Variants in LAMB1 observed in about 807,000 individuals in gnomAD.
The protein encoded by LAMB1 is laminin subunit beta 1, also known as laminin subunit beta-1.
Under a neutral mutation model 222.3 loss-of-function variants are expected in LAMB1, and 121 were observed. The ratio of observed to expected loss-of-function variants is 0.54; its 90% confidence interval spans 0.47 to 0.63. The LOEUF (loss-of-function observed/expected upper bound fraction) is 0.63, where lower values mean the gene tolerates loss of function less well. Among genes scored for constraint, LAMB1 ranks in the 30% least tolerant of loss-of-function variants. The pLI is 0.00. For synonymous variants in LAMB1, 794 were observed against 807.2 expected, an observed-to-expected ratio of 0.98 and a Z score of 0.28; for missense variants, 2,172 against 2,240.8, an observed-to-expected ratio of 0.97 and a Z score of 0.62.
At position 107,924,309 on chromosome 7, in the gene LAMB1, G is replaced by A. The variant is rs2032508482; in HGVS notation, c.5145C>T (p.Ala1715=). ...IAKKTEESAD[A]RRKAEMLQNE... Reference sequence around the variant, plus strand: ...TTTGTAGCATTTCGGCTTTCCTTCTGGCATCAGCTGACTCTTCAGTTTTTT... The same window carrying A: ...TTTGTAGCATTTCGGCTTTCCTTCTAGCATCAGCTGACTCTTCAGTTTTTT... The change falls in exon 33 of 34, where the codon GCC becomes GCT. Residue 1715 remains alanine, a synonymous_variant. Coordinates refer to ENST00000222399, the MANE Select transcript of LAMB1 (RefSeq NM_002291.3). 6.2e-7 allele frequency: 1 copy of A among 1,612,658 alleles called. No homozygotes were observed. The highest frequency in any genetic ancestry group is 8.5e-7 in the Non-Finnish European group (1 of 1,179,436).
Position 107,924,021 on chromosome 7 carries a change from A to C in LAMB1, c.5291T>G (p.Leu1764Arg). 6.3e-7 allele frequency: 1 copy of C among 1,595,956 alleles called. No individual in the cohort carries two copies. The highest frequency in any genetic ancestry group is 8.5e-7 in the Non-Finnish European group (1 of 1,175,722). ...LEDKAQELARLEGEVRSLLKD... is the reference protein window; with the variant it reads ...LEDKAQELARREGEVRSLLKD... ...TAGGAGTGAACGGACTTCTCCTTCC[A>C]GTCTTGCTAATTCTTGAGCTTTATC... The change falls in exon 34 of 34, where the codon CTG (leucine) becomes CGG (arginine). Residue 1764 changes from leucine (L) to arginine (R), a missense_variant. Coordinates refer to ENST00000222399, the MANE Select transcript of LAMB1 (RefSeq NM_002291.3).
At chr7:107,959,119 A>G (rs1370943825) in intron 20 of LAMB1, 130 bp downstream of exon 20, 20 of 743,358 alleles carry the variant, frequency 2.7e-5, no homozygotes, top group Non-Finnish European at 4.1e-5. Context: ...AAGATCCTAG[A>G]AAATAGTGAG....
At position 107,935,311 on chromosome 7, in the gene LAMB1, A is replaced by G. The variant is rs1447132247; in HGVS notation, c.4188+104T>C. 22 of 1,456,636 alleles carry G rather than the reference A, an allele frequency of 1.5e-5. No homozygotes were observed. The South Asian group carries it at 2.9e-4, about 19-fold the overall frequency. 90.2% of individuals were successfully genotyped at this position (1,456,636 alleles called of 1,614,324 possible). A position where few individuals can be genotyped will look rare whatever the true frequency, so the allele number is the denominator to read the frequency against. On this transcript the variant is annotated intron_variant, in intron 27 of 33. Transcript: ENST00000222399. ...AGTCCTGCTGATTCATTTGCAAATTATTGTAATAATGACAAAAGATGGTTT... is the reference window on the plus strand; with the variant it reads ...AGTCCTGCTGATTCATTTGCAAATTGTTGTAATAATGACAAAAGATGGTTT...
At chr7:107,949,948 C>CTGG (rs367927152) in intron 24 of LAMB1, among the ~76,000 whole-genome samples, 43 of 152,204 alleles carry the variant, frequency 2.8e-4, no homozygotes, top group African/African-American at 8.7e-4. Flanking sequence ...TTTAAGAGTC[C>CTGG]TGGCCAGGCA....
chr7:107,943,343 C>T (rs909106243), intron 24 of LAMB1, among the ~76,000 whole-genome samples: 7 of 152,126 alleles, frequency 4.6e-5, no homozygotes, highest in Admixed American at 2.0e-4. Context: ...ATGCCAGTGA[C>T]ACCCAAGAGA....
rs779159145 is a variant in LAMB1, at chr7:107,986,792, T to C, written c.424-429A>G. On this transcript the variant is annotated intron_variant, in intron 5 of 33. Coordinates refer to ENST00000222399, the MANE Select transcript of LAMB1 (RefSeq NM_002291.3). Reference sequence around the variant, plus strand: ...AGTGGACTATATGTTGTATATGTTATACACAGTCCAATGAGGTGCAGATAT... The same window carrying C: ...AGTGGACTATATGTTGTATATGTTACACACAGTCCAATGAGGTGCAGATAT... Among the ~76,000 whole-genome samples the C allele has an allele frequency of 3.9e-5, 6 of 152,372 alleles. 1 individual carries two copies. In the Middle Eastern group the frequency reaches 0.01, roughly 259 times the overall value.
chr7:107,975,652 G>T (rs753837295), intron 10 of LAMB1, 37 bp downstream of exon 10: 1 of 1,564,824 alleles, frequency 6.4e-7, no homozygotes, highest in Non-Finnish European at 8.7e-7. Flanking sequence ...GCAATCTGAA[G>T]TAGGTCCCAC....
At chr7:107,931,594 C>G (rs2032712992) in intron 28 of LAMB1, 94 bp from the exon 29 acceptor site, 2 of 1,189,250 alleles carry the variant, frequency 1.7e-6, no homozygotes, top group Admixed American at 4.3e-5. Context: ...TGTTGAAAAA[C>G]TATGTACTTG....
At chr7:107,990,032 TTTTTG>T (rs1563007334) in intron 5 of LAMB1, among the ~76,000 whole-genome samples, 9 of 152,004 alleles carry the variant, frequency 5.9e-5, no homozygotes, top group East Asian at 1.9e-4. Flanking sequence ...TTTGTGTTTT[TTTTTG>T]TTTGTTTGTT....
intron 2 of LAMB1, 168 bp from the exon 3 acceptor site, chr7:108,001,901 G>A: frequency 6.8e-7 from 1 of 1,465,880 alleles, no homozygotes; most frequent in South Asian, 1.4e-5. Flanking sequence ...GGAGAGGCTG[G>A]GAAGGCAGGG....
chr7:107,999,790 AACT>A (rs2034349427), intron 3 of LAMB1: 1 of 148,626 alleles, frequency 6.7e-6, no homozygotes, highest in African/African-American at 2.5e-5. Context: ...TTTTAAGGGA[AACT>A]ACTAAGACTG....
chr7:107,930,555 T>C (rs2032682100), intron 29 of LAMB1, among the ~76,000 whole-genome samples: 2 of 152,224 alleles, frequency 1.3e-5, no homozygotes, highest in African/African-American at 2.4e-5. Flanking sequence ...TAATCGCATT[T>C]CCATTTTCCA....
In LAMB1 at chr7:107,929,104, G is replaced by A. The variant is rs1169102799; in HGVS notation, c.4847C>T (p.Ala1616Val). 2.5e-6 allele frequency: 4 copies of A among 1,613,998 alleles called. No homozygotes were observed. In the Admixed American group the frequency reaches 5.0e-5, roughly 20 times the overall value. Residue 1616 changes from alanine (A) to valine (V), a missense_variant, in exon 31 of 34, where the codon GCA becomes GTA. Ala to Val is a moderately conservative substitution (Grantham distance 64). Coordinates refer to ENST00000222399, the MANE Select transcript of LAMB1 (RefSeq NM_002291.3). ...CTGGGTTCCTTGAATGTCTTCATCT[G>A]CTTGTTTAATTGCCTTCTCTGCTGC... Reference protein sequence around the residue: ...QVAAEKAIKQADEDIQGTQNL... With the variant: ...QVAAEKAIKQVDEDIQGTQNL...
Position 107,947,422 on chromosome 7 carries a change from T to C in LAMB1, c.3391+3804A>G, listed in dbSNP as rs193118345. On this transcript the variant is annotated intron_variant, in intron 24 of 33. Coordinates refer to ENST00000222399, the MANE Select transcript of LAMB1 (RefSeq NM_002291.3). ...GAAAAGAGCTGATGTTCTTTTTGCA[T>C]AGTTCCATCTAATTTTGAATGACAC... 3.5e-3 allele frequency among the ~76,000 whole-genome samples: 539 copies of C among 152,312 alleles called. 3 individuals carry two copies. Among genetic ancestry groups the C allele is most frequent in the African/African-American group, 0.012 (513 of 41,532 alleles).
intron 13 of LAMB1, among the ~76,000 whole-genome samples, chr7:107,971,442 A>G (rs2033746692): frequency 6.6e-6 from 1 of 152,246 alleles, no homozygotes; most frequent in South Asian, 2.1e-4. Context: ...CTCCCAGTAG[A>G]ATCAGTGCTT....
At chr7:107,989,544 C>G (rs916312916) in intron 5 of LAMB1, among the ~76,000 whole-genome samples, 3 of 152,178 alleles carry the variant, frequency 2.0e-5, no homozygotes, top group Non-Finnish European at 4.4e-5. Flanking sequence ...TATTCACTCA[C>G]TAGCTGCTTA....
intron 5 of LAMB1, among the ~76,000 whole-genome samples, chr7:107,987,162 A>T (rs1584534624): frequency 1.3e-5 from 2 of 152,258 alleles, no homozygotes; most frequent in East Asian, 3.8e-4. Context: ...ACATGGATGA[A>T]CCTTGAAAGC....
intron 31 of LAMB1, among the ~76,000 whole-genome samples, chr7:107,927,345 C>G (rs1320517829): frequency 1.3e-5 from 2 of 152,126 alleles, no homozygotes; most frequent in Non-Finnish European, 2.9e-5. Context: ...CACTTCCTGC[C>G]CCCTAGGGCC....
chr7:107,966,833 A>G (rs1399600999), intron 13 of LAMB1, among the ~76,000 whole-genome samples: 1 of 152,170 alleles, frequency 6.6e-6, no homozygotes, highest in Non-Finnish European at 1.5e-5. Context: ...AATTCTAAAC[A>G]AGGAATGGCT....
Sources: gnomAD v4.1 joint callset for allele counts (sites outside exome capture counted in the v4.1 genomes callset) on GRCh38, gnomAD v4.1.1 for gene constraint, MANE v1.5 for transcripts, NCBI Gene and HGNC (gene_info 2026-07-23, HGNC 2026-07-21) for gene names.